COL22A1: variants seen among roughly 807,000 people sequenced by gnomAD.
The protein encoded by COL22A1 is collagen type XXII alpha 1 chain.
Under a neutral mutation model 248.9 loss-of-function variants are expected in COL22A1, and 221 were observed. That is an observed-to-expected ratio of 0.89 (90% confidence interval 0.80 to 0.99). COL22A1 has a LOEUF of 0.99. Among genes scored for constraint, COL22A1 ranks in the 50% least tolerant of loss-of-function variants. The pLI is 0.00. For missense variants in COL22A1, 2,240 were observed against 2,179.0 expected, an observed-to-expected ratio of 1.03 and a Z score of -0.56; for synonymous variants, 891 against 793.4, an observed-to-expected ratio of 1.12 and a Z score of -2.07.
chr8:138,762,511 C>A, intron 16 of COL22A1, 45 bp from the exon 17 acceptor site: 1 of 1,587,988 alleles, frequency 6.3e-7, no homozygotes, highest in Non-Finnish European at 8.6e-7. Context: ...TTAGTGACCA[C>A]AGGCAGCAGC....
intron 35 of COL22A1, among the ~76,000 whole-genome samples, chr8:138,692,538 A>G (rs1441132239): frequency 6.7e-6 from 1 of 149,612 alleles, no homozygotes; most frequent in Non-Finnish European, 1.5e-5. Flanking sequence ...TCAGGTAAGA[A>G]GTGGATTTGA....
chr8:138,618,718 T>A (rs1420295183), intron 53 of COL22A1, among the ~76,000 whole-genome samples: 2 of 152,218 alleles, frequency 1.3e-5, no homozygotes, highest in African/African-American at 4.8e-5. Context: ...AAAATCCAGA[T>A]AATTTTAGGA....
At chr8:138,867,312 TC>T (rs1405629800) in intron 3 of COL22A1, among the ~76,000 whole-genome samples, 1 of 152,156 alleles carries the variant, frequency 6.6e-6, no homozygotes, top group Non-Finnish European at 1.5e-5. Flanking sequence ...CATGCAGAAC[TC>T]AAGACAGATG....
Position 138,604,720 on chromosome 8 carries a change from C to T in COL22A1, c.4140+14G>A, listed in dbSNP as rs772558806. On this transcript the variant is annotated intron_variant, in intron 59 of 64. Coordinates refer to ENST00000303045, the MANE Select transcript of COL22A1 (RefSeq NM_152888.3). ...AAAGGGTTGCCAAGGGGTGAGTGGG[C>T]GTGTGATACTTGCCTCCTTGCCTGG... 1.9e-5 allele frequency: 31 copies of T among 1,612,004 alleles called. No individual in the cohort carries two copies. The Admixed American group carries it at 3.0e-4, about 16-fold the overall frequency.
intron 10 of COL22A1, among the ~76,000 whole-genome samples, chr8:138,804,375 C>T (rs144607925): frequency 1.3e-4 from 20 of 152,308 alleles, no homozygotes; most frequent in African/African-American, 4.8e-4. Context: ...ATCAGTTGCC[C>T]TTTTCAGTGC....
At chr8:138,664,493 G>A (rs1824327352) in intron 41 of COL22A1, among the ~76,000 whole-genome samples, 1 of 152,028 alleles carries the variant, frequency 6.6e-6, no homozygotes, top group African/African-American at 2.4e-5. Flanking sequence ...AAACATTCTT[G>A]TCACACTCTG....
Position 138,738,167 on chromosome 8 carries a change from T to C in COL22A1, c.2086-590A>G, listed in dbSNP as rs117194302. Among the ~76,000 whole-genome samples, 23 of 152,278 alleles carry C rather than the reference T, an allele frequency of 1.5e-4. No homozygotes were observed. In the East Asian group the frequency reaches 2.9e-3, roughly 19 times the overall value. On this transcript the variant is annotated intron_variant, in intron 22 of 64. Coordinates refer to ENST00000303045, the MANE Select transcript of COL22A1 (RefSeq NM_152888.3). Reference sequence around the variant, plus strand: ...TTTTCCCTGTGCAAATGAGGCATGATGCATTGAAACAACCCCCTCCTCGTG... The same window carrying C: ...TTTTCCCTGTGCAAATGAGGCATGACGCATTGAAACAACCCCCTCCTCGTG...
chr8:138,870,833 G>C (rs115484990), intron 3 of COL22A1, among the ~76,000 whole-genome samples: 1,787 of 151,856 alleles, frequency 0.012, 37 homozygotes, highest in African/African-American at 0.041. Flanking sequence ...ATGTGTGTGT[G>C]AGTGGGTGTG....
At chr8:138,625,168 C>G (rs967413450) in intron 51 of COL22A1, among the ~76,000 whole-genome samples, 1 of 152,124 alleles carries the variant, frequency 6.6e-6, no homozygotes, top group Admixed American at 6.5e-5. Flanking sequence ...AAGATCGAAC[C>G]TCTCCTAGCC....
At chr8:138,858,150 T>G (rs1822180628) in intron 3 of COL22A1, among the ~76,000 whole-genome samples, 1 of 152,182 alleles carries the variant, frequency 6.6e-6, no homozygotes, top group Non-Finnish European at 1.5e-5. Context: ...AGCCTTGTGC[T>G]TTACGTGTGT....
chr8:138,716,159 A>T lies in COL22A1; in HGVS notation c.2463+68T>A, dbSNP rs541158096. The T allele has an allele frequency of 4.1e-5, 52 of 1,261,714 alleles. No homozygotes were observed. The African/African-American group carries it at 7.3e-4, about 18-fold the overall frequency. 78.2% of individuals were successfully genotyped at this position (1,261,714 alleles called of 1,614,324 possible). A position where few individuals can be genotyped will look rare whatever the true frequency, so the allele number is the denominator to read the frequency against. The stretch of plus-strand genomic sequence containing the variant: ...GACTGTCCCGAGGGACTGAGACTCC[A>T]CAGGGGGCTGCTCTCTGTGGAGATG... On this transcript the variant is annotated intron_variant, in intron 29 of 64. Transcript: ENST00000303045.
At chr8:138,847,970 A>C (rs1450432552) in intron 3 of COL22A1, among the ~76,000 whole-genome samples, 1 of 152,158 alleles carries the variant, frequency 6.6e-6, no homozygotes, top group Non-Finnish European at 1.5e-5. Context: ...AAGGACAATT[A>C]ATGAGGGTGG....
intron 3 of COL22A1, among the ~76,000 whole-genome samples, chr8:138,872,051 C>T (rs1282830333): frequency 6.6e-6 from 1 of 152,166 alleles, no homozygotes; most frequent in Non-Finnish European, 1.5e-5. Context: ...AGGGCTAAGT[C>T]AATTGCACAG....
chr8:138,821,257 T>C lies in COL22A1; in HGVS notation c.1124A>G (p.Asn375Ser). Reference protein sequence around the residue: ...HKMALSIQAQNVSLHIDCALV... With the variant: ...HKMALSIQAQSVSLHIDCALV... Reference sequence around the variant, plus strand: ...CGCACAGTCAATGTGCAGGGAGACGTTCTGGGCCTGGATGCTCAGGGCCAT... The same window carrying C: ...CGCACAGTCAATGTGCAGGGAGACGCTCTGGGCCTGGATGCTCAGGGCCAT... Residue 375 changes from asparagine (N) to serine (S), a missense_variant, in exon 7 of 65, where the codon AAC (asparagine) becomes AGC (serine). Transcript: ENST00000303045. The C allele has an allele frequency of 6.2e-7, 1 of 1,614,196 alleles. No individual in the cohort carries two copies. Among genetic ancestry groups the C allele is most frequent in the East Asian group, 2.2e-5 (1 of 44,888 alleles).
At chr8:138,860,460 GCTTT>G (rs1408141406) in intron 3 of COL22A1, among the ~76,000 whole-genome samples, 1 of 152,154 alleles carries the variant, frequency 6.6e-6, no homozygotes, top group African/African-American at 2.4e-5. Flanking sequence ...TGGATCTCAA[GCTTT>G]ATTTAAATTT....
At chr8:138,614,060 G>A (rs1468056393) in intron 55 of COL22A1, 140 bp from the exon 56 acceptor site, 1 of 713,742 alleles carries the variant, frequency 1.4e-6, no homozygotes, top group African/African-American at 1.8e-5. Context: ...ATCATTAATT[G>A]TCCATTATTC....
chr8:138,784,416 C>T (rs989657945), intron 12 of COL22A1, among the ~76,000 whole-genome samples: 4 of 152,186 alleles, frequency 2.6e-5, no homozygotes, highest in Non-Finnish European at 4.4e-5. Flanking sequence ...CATGCTGTCA[C>T]GGCAGGTGCT....
intron 44 of COL22A1, among the ~76,000 whole-genome samples, chr8:138,659,307 G>C (rs1316040353): frequency 6.6e-6 from 1 of 152,128 alleles, no homozygotes; most frequent in Non-Finnish European, 1.5e-5. Context: ...TGCTGTGCCC[G>C]CCAACTGAGA....
chr8:138,850,782 G>T (rs1214353919), intron 3 of COL22A1, among the ~76,000 whole-genome samples: 4 of 152,216 alleles, frequency 2.6e-5, no homozygotes, highest in African/African-American at 9.6e-5. Flanking sequence ...CTGTGTGTCT[G>T]TTTCCAAACT....
Sources: gnomAD v4.1 joint callset for allele counts (sites outside exome capture counted in the v4.1 genomes callset) on GRCh38, gnomAD v4.1.1 for gene constraint, MANE v1.5 for transcripts, NCBI Gene and HGNC (gene_info 2026-07-23, HGNC 2026-07-21) for gene names.